The following MED13L variants were observed in gnomAD, a reference collection of about 807,000 sequenced individuals.
MED13L encodes the protein mediator complex subunit 13L.
Under a neutral mutation model 220.9 loss-of-function variants are expected in MED13L, and 7 were observed. That is an observed-to-expected ratio of 0.03 (90% CI 0.02 to 0.06). The LOEUF is 0.06. Ranked by LOEUF, MED13L falls within the 10% of genes least tolerant of loss-of-function variation. The pLI, the probability that MED13L is intolerant of heterozygous loss-of-function variation, is 1.00. For missense variants in MED13L, 1,965 were observed against 2,760.5 expected, an observed-to-expected ratio of 0.71 and a Z score of 6.46; for synonymous variants, 1,011 against 1,015.2, an observed-to-expected ratio of 1.00 and a Z score of 0.08.
intron 2 of MED13L, among the ~76,000 whole-genome samples, chr12:116,168,712 G>A (rs1593123343): frequency 6.6e-6 from 1 of 152,266 alleles, no homozygotes; most frequent in East Asian, 1.9e-4. Flanking sequence ...TCAAACCAGG[G>A]CAAATGGATG....
intron 2 of MED13L, among the ~76,000 whole-genome samples, chr12:116,123,598 T>C (rs913849068): frequency 1.3e-5 from 2 of 152,030 alleles, no homozygotes; most frequent in Non-Finnish European, 2.9e-5. Flanking sequence ...ACACAGAAGC[T>C]TGCTACTAAA....
At chr12:116,080,432 A>G (rs992677756) in intron 4 of MED13L, among the ~76,000 whole-genome samples, 2 of 152,220 alleles carry the variant, frequency 1.3e-5, no homozygotes, top group African/African-American at 4.8e-5. Context: ...CCATATAGAG[A>G]GAAAGGCACA....
intron 2 of MED13L, among the ~76,000 whole-genome samples, chr12:116,133,531 T>G (rs781654449): frequency 6.6e-6 from 1 of 152,124 alleles, no homozygotes; most frequent in Admixed American, 6.5e-5. Context: ...CCCCTAGATA[T>G]AGGCAGGCAG....
chr12:115,979,433 C>T (rs7299078), intron 23 of MED13L, among the ~76,000 whole-genome samples: 3,899 of 152,236 alleles, frequency 0.026, 157 homozygotes, highest in African/African-American at 0.089. Context: ...ATGAATTGCT[C>T]ATAGAAGTGA....
chr12:116,110,850 A>G, intron 3 of MED13L, among the ~76,000 whole-genome samples: 1 of 152,222 alleles, frequency 6.6e-6, no homozygotes, highest in East Asian at 1.9e-4. Context: ...ACTGAAAGTC[A>G]ATATAAGGTT....
chr12:116,246,830 G>C (rs1419798356), intron 1 of MED13L, among the ~76,000 whole-genome samples: 1 of 81,152 alleles, frequency 1.2e-5, no homozygotes, highest in African/African-American at 5.0e-5. Flanking sequence ...GGAGCGAGGT[G>C]TGGAGGGGAG....
chr12:116,211,988 AC>A (rs750146007), intron 2 of MED13L, among the ~76,000 whole-genome samples: 1 of 152,250 alleles, frequency 6.6e-6, no homozygotes, highest in African/African-American at 2.4e-5. Flanking sequence ...AATGAAAAAA[AC>A]ATTTTGAAAG....
chr12:115,990,985 C>A (rs1390292370), intron 17 of MED13L, 35 bp downstream of exon 17: 1 of 1,597,984 alleles, frequency 6.3e-7, no homozygotes, highest in East Asian at 2.2e-5. Context: ...TACCAAGATA[C>A]TCCTCAAAGT....
At chr12:115,990,343 A>C (rs931797564) in intron 17 of MED13L, among the ~76,000 whole-genome samples, 1 of 152,194 alleles carries the variant, frequency 6.6e-6, no homozygotes, top group African/African-American at 2.4e-5. Context: ...TAATTATTTA[A>C]TTGATGTCCA....
intron 2 of MED13L, among the ~76,000 whole-genome samples, chr12:116,150,563 C>T (rs1877957729): frequency 6.6e-6 from 1 of 152,150 alleles, no homozygotes; most frequent in Non-Finnish European, 1.5e-5. Flanking sequence ...CTCCACTGCA[C>T]CTCTGCCACT....
chr12:116,221,595 A>G (rs1346977392), intron 2 of MED13L, among the ~76,000 whole-genome samples: 1 of 152,134 alleles, frequency 6.6e-6, no homozygotes, highest in Non-Finnish European at 1.5e-5. Flanking sequence ...ATTCATTCCT[A>G]GTTTATTGGT....
chr12:116,152,125 C>G (rs1459948221), intron 2 of MED13L, among the ~76,000 whole-genome samples: 1 of 152,134 alleles, frequency 6.6e-6, no homozygotes, highest in Non-Finnish European at 1.5e-5. Context: ...TTCTCTCTCC[C>G]CTGCTGGATT....
At chr12:116,102,697 CTTTTTCTTTTTTCTTTTTTTTTTTTTTTT>C (rs1873170124) in intron 3 of MED13L, among the ~76,000 whole-genome samples, 2 of 73,274 alleles carry the variant, frequency 2.7e-5, no homozygotes, top group African/African-American at 8.9e-5. Context: ...TTTTCTTTTT[CTTTTTCTTTTTTCTTTTTTTTTTTTTTTT>C]TTTTTTTTTT....
At chr12:116,189,782 GT>G (rs772550493) in intron 2 of MED13L, among the ~76,000 whole-genome samples, 34 of 152,134 alleles carry the variant, frequency 2.2e-4, no homozygotes, top group East Asian at 1.9e-4. Context: ...AACCTAAAGG[GT>G]TTTTTTGAGC....
At chr12:116,183,820 ATGTGTGTGTGTG>A (rs57716114) in intron 2 of MED13L, among the ~76,000 whole-genome samples, 1 of 146,486 alleles carries the variant, frequency 6.8e-6, no homozygotes, top group Non-Finnish European at 1.5e-5. Flanking sequence ...GTGTGTGTGT[ATGTGTGTGTGTG>A]TGTGTGTGTG....
chr12:115,973,457 T>TC (rs2137235101), intron 25 of MED13L, among the ~76,000 whole-genome samples: 2 of 152,268 alleles, frequency 1.3e-5, no homozygotes, highest in East Asian at 3.9e-4. Context: ...TTTGATGGGC[T>TC]CCTCCAGTCA....
chr12:116,272,430 G>A (rs985218752), intron 1 of MED13L, among the ~76,000 whole-genome samples: 2 of 152,098 alleles, frequency 1.3e-5, no homozygotes, highest in Non-Finnish European at 2.9e-5. Context: ...AGGCATGGTG[G>A]CAGGCGCCTG....
In MED13L at chr12:116,124,152, C is replaced by CAGAGACAGAGACAGAGAGAGACAGAG. The variant is rs1875364184; in HGVS notation, c.311-12641_311-12640insCTCTGTCTCTCTCTGTCTCTGTCTCT. On this transcript the variant is annotated intron_variant, in intron 2 of 30. Transcript: ENST00000281928. ...AGAGAGAGAGAGAGAGAGAGAGAGA[C>CAGAGACAGAGACAGAGAGAGACAGAG]AGAGACAGAGAGAGACAGAGAGAGA... Among the ~76,000 whole-genome samples, 1,053 of 108,642 alleles carry CAGAGACAGAGACAGAGAGAGACAGAG rather than the reference C, an allele frequency of 9.7e-3. 4 individuals are homozygous for CAGAGACAGAGACAGAGAGAGACAGAG. The highest frequency in any genetic ancestry group is 0.014 in the South Asian group (39 of 2,840). 71.3% of individuals were successfully genotyped at this position (108,642 alleles called of 152,430 possible).
chr12:116,111,361 G>A, intron 3 of MED13L, 67 bp downstream of exon 3: 1 of 1,279,238 alleles, frequency 7.8e-7, no homozygotes, highest in Non-Finnish European at 1.1e-6. Flanking sequence ...AAAATTACAG[G>A]AAACTCTCGG....
Sources: gnomAD v4.1 joint callset for allele counts (sites outside exome capture counted in the v4.1 genomes callset) on GRCh38, gnomAD v4.1.1 for gene constraint, MANE v1.5 for transcripts, NCBI Gene and HGNC (gene_info 2026-07-23, HGNC 2026-07-21) for gene names.